Variants in MGRN1 observed in about 807,000 individuals in gnomAD.
MGRN1 encodes mahogunin ring finger 1.
In MGRN1, 29 loss-of-function variants were observed where a neutral mutation model predicts 69.2. That is an observed-to-expected ratio of 0.42 (90% CI 0.31 to 0.57). The LOEUF (loss-of-function observed/expected upper bound fraction) is 0.57, where lower values mean the gene tolerates loss of function less well. MGRN1 is among the 20% of genes least tolerant of loss of function. MGRN1 has a pLI of 0.15. For synonymous variants in MGRN1, 470 were observed against 344.2 expected, an observed-to-expected ratio of 1.37 and a Z score of -4.04; for missense variants, 998 against 796.2, an observed-to-expected ratio of 1.25 and a Z score of -3.05.
intron 16 of MGRN1, chr16:4,688,431 G>GT: frequency 1.9e-6 from 2 of 1,051,686 alleles, no homozygotes; most frequent in Non-Finnish European, 2.3e-6. Flanking sequence ...TAACCCAGCC[G>GT]TAAGAACCTT....
rs2079069803 is a variant in MGRN1 at position 4,677,117 on chromosome 16, C to G, written c.956-346C>G. 1.5e-5 allele frequency: 3 copies of G among 195,608 alleles called. 1 individual carries two copies. The South Asian group carries it at 5.2e-4, about 34-fold the overall frequency. The allele number at this position is 195,608 out of a possible 1,614,324, so 12.1% of individuals were successfully genotyped here. On this transcript the variant is annotated intron_variant, in intron 10 of 16. Transcript: ENST00000262370. ...GCCACCAGCCTCTTGGAAACACCCTCTGGAGCCCCGCCTTGGGCAGCACTG... is the reference window on the plus strand; with the variant it reads ...GCCACCAGCCTCTTGGAAACACCCTGTGGAGCCCCGCCTTGGGCAGCACTG...
At chr16:4,661,018 G>C (rs1292094101) in intron 5 of MGRN1, among the ~76,000 whole-genome samples, 1 of 152,140 alleles carries the variant, frequency 6.6e-6, no homozygotes, top group African/African-American at 2.4e-5. Context: ...GGCTCACTCT[G>C]TCTCCCAGGC....
chr16:4,652,089 T>C (rs2078421598), intron 3 of MGRN1, 38 bp downstream of exon 3: 1 of 1,593,492 alleles, frequency 6.3e-7, no homozygotes, highest in African/African-American at 1.3e-5. Context: ...TGTGGCTCTG[T>C]GGGGCGCAGC....
chr16:4,673,424 A>T (rs1222628271), intron 9 of MGRN1, 74 bp from the exon 10 acceptor site: 1 of 1,555,980 alleles, frequency 6.4e-7, no homozygotes, highest in Non-Finnish European at 8.7e-7. Context: ...GGGGTGGGAC[A>T]GCTGGGGACA....
intron 10 of MGRN1, among the ~76,000 whole-genome samples, chr16:4,675,342 G>C (rs938419451): frequency 6.6e-6 from 1 of 152,094 alleles, no homozygotes; most frequent in African/African-American, 2.4e-5. Flanking sequence ...AACTCTTGGG[G>C]TTAAGTGGTC....
chr16:4,675,026 A>C (rs959013970), intron 10 of MGRN1, among the ~76,000 whole-genome samples: 4 of 152,006 alleles, frequency 2.6e-5, no homozygotes, highest in Non-Finnish European at 5.9e-5. Flanking sequence ...AGGCTGGAGT[A>C]CAGTGGCAGG....
At chr16:4,671,124 A>AG (rs1234802057) in intron 8 of MGRN1, among the ~76,000 whole-genome samples, 1 of 146,924 alleles carries the variant, frequency 6.8e-6, no homozygotes, top group Non-Finnish European at 1.5e-5. Flanking sequence ...TGAGGCGGTC[A>AG]GGGGGTGGTG....
chr16:4,665,478 C>G (rs2078782656), intron 7 of MGRN1, among the ~76,000 whole-genome samples: 2 of 151,616 alleles, frequency 1.3e-5, no homozygotes, highest in Admixed American at 6.6e-5. Flanking sequence ...AAGCGATTCT[C>G]CCACCTCAAC....
intron 1 of MGRN1, among the ~76,000 whole-genome samples, chr16:4,636,764 C>A (rs547926232): frequency 6.6e-6 from 1 of 151,960 alleles, no homozygotes; most frequent in Non-Finnish European, 1.5e-5. Flanking sequence ...TTTCTCTATG[C>A]GAATTGGCCA....
chr16:4,687,054 C>G, intron 16 of MGRN1: 1 of 985,742 alleles, frequency 1.0e-6, no homozygotes. Context: ...CACCGTGGGC[C>G]TGGCATCACC....
intron 2 of MGRN1, 62 bp from the exon 3 acceptor site, chr16:4,651,901 C>A: frequency 6.7e-7 from 1 of 1,482,070 alleles, no homozygotes. Context: ...GCACCCTGAC[C>A]CGTTTTCTGT....
rs544582912 is a variant in MGRN1, at chr16:4,624,831, C to T, written c.-130C>T. 1.2e-5 allele frequency: 8 copies of T among 674,236 alleles called. No individual in the cohort carries two copies. Among genetic ancestry groups the T allele is most frequent in the East Asian group, 3.9e-5 (1 of 25,618 alleles). The allele number at this position is 674,236 out of a possible 1,614,324, so 41.8% of individuals were successfully genotyped here. A position where few individuals can be genotyped will look rare whatever the true frequency, so the allele number is the denominator to read the frequency against. On this transcript the variant is annotated 5_prime_UTR_variant, in exon 1 of 17. Transcript: ENST00000262370. ...CCCCGGGCCGAGCCGGGGGTGGGGG[C>T]TCGAGGCGCCTCCGCGGCCGTGGAC...
chr16:4,687,773 C>CT (rs2079365761), intron 16 of MGRN1: 1 of 985,340 alleles, frequency 1.0e-6, no homozygotes, highest in Admixed American at 6.1e-5. Flanking sequence ...GGTGCAGGCT[C>CT]TAAGAGGCCC....
At position 4,681,754 on chromosome 16, in the gene MGRN1, C is replaced by T. The variant is rs750750096; in HGVS notation, c.1336C>T (p.Pro446Ser). 45 of 1,612,148 alleles carry T rather than the reference C, an allele frequency of 2.8e-5. No individual in the cohort carries two copies. Among genetic ancestry groups the T allele is most frequent in the Non-Finnish European group, 3.6e-5 (43 of 1,179,604 alleles). Reference sequence around the variant, plus strand: ...GGACAGCAGCCGCCAGAAGGGCAGGCCGCAGAGCAAGGCCCCCGACAGGTG... The same window carrying T: ...GGACAGCAGCCGCCAGAAGGGCAGGTCGCAGAGCAAGGCCCCCGACAGGTG... ...ILDSSRQKGR[P>S]QSKAPDSTLR... Residue 446 changes from proline (P) to serine (S), a missense_variant, in exon 13 of 17, where the codon CCG becomes TCG. Pro to Ser is a moderately conservative substitution (Grantham distance 74, BLOSUM62 -1). Coordinates refer to ENST00000262370, the MANE Select transcript of MGRN1 (RefSeq NM_015246.4).
chr16:4,665,090 T>C lies in MGRN1; in HGVS notation c.629-12T>C. Reference sequence around the variant, plus strand: ...CCCGACTCTGACTACTCTGCCCCTCTCTCCCCAGCAGTGGTGGAAGTGACT... The same window carrying C: ...CCCGACTCTGACTACTCTGCCCCTCCCTCCCCAGCAGTGGTGGAAGTGACT... On this transcript the variant is annotated splice_polypyrimidine_tract_variant and intron_variant, in intron 6 of 16. Transcript: ENST00000262370. The C allele has an allele frequency of 1.2e-6, 2 of 1,614,154 alleles. No individual in the cohort carries two copies. Among genetic ancestry groups the C allele is most frequent in the Non-Finnish European group, 1.7e-6 (2 of 1,180,018 alleles).
intron 1 of MGRN1, among the ~76,000 whole-genome samples, chr16:4,632,513 C>T (rs1248197064): frequency 1.3e-5 from 2 of 152,028 alleles, no homozygotes; most frequent in African/African-American, 4.8e-5. Flanking sequence ...CCTGTCTCAG[C>T]CTCCTGAGTA....
intron 2 of MGRN1, 69 bp from the exon 3 acceptor site, chr16:4,651,894 C>G: frequency 7.0e-7 from 1 of 1,430,178 alleles, no homozygotes; most frequent in East Asian, 2.3e-5. Flanking sequence ...GGCTGCTGCA[C>G]CCTGACCCGT....
intron 15 of MGRN1, among the ~76,000 whole-genome samples, 181 bp downstream of exon 15, chr16:4,683,450 G>A (rs1322865389): frequency 6.6e-6 from 1 of 152,178 alleles, no homozygotes; most frequent in Non-Finnish European, 1.5e-5. Context: ...CGGGTGACTG[G>A]GTCAGGCTGC....
At chr16:4,686,559 C>T in intron 16 of MGRN1, 2 of 1,332,486 alleles carry the variant, frequency 1.5e-6, no homozygotes, top group Admixed American at 3.5e-5. Flanking sequence ...CGGTCAGGCT[C>T]TTCTTCCAGC....
Sources: allele counts gnomAD v4.1 joint callset (sites outside exome capture counted in the v4.1 genomes callset), GRCh38; gene constraint gnomAD v4.1.1; transcripts MANE v1.5; gene names NCBI Gene and HGNC (gene_info 2026-07-23, HGNC 2026-07-21).